Variants in TMEM47 observed in about 807,000 individuals in gnomAD.
TMEM47 encodes brain cell membrane protein 1.
TMEM47 carries 3 observed loss-of-function variants against 12.4 expected under a neutral mutation model. The observed-to-expected ratio is 0.24, with a 90% CI of 0.11 to 0.63. The LOEUF (loss-of-function observed/expected upper bound fraction) is 0.63, where lower values mean the gene tolerates loss of function less well. Among genes scored for constraint, TMEM47 ranks in the 20% least tolerant of loss-of-function variants. TMEM47 has a pLI of 0.86. For synonymous variants in TMEM47, 62 were observed against 63.3 expected, an observed-to-expected ratio of 0.98 and a Z score of 0.10; for missense variants, 89 against 143.8, an observed-to-expected ratio of 0.62 and a Z score of 1.95.
At chrX:34,631,153 A>G (rs1014959984) in intron 2 of TMEM47, among the ~76,000 whole-genome samples, 50 of 82,723 alleles carry the variant, frequency 6.0e-4, no homozygotes, top group African/African-American at 2.0e-3. Flanking sequence ...CCTGGGCGAC[A>G]GAGCCAGACT....
intron 2 of TMEM47, among the ~76,000 whole-genome samples, chrX:34,637,166 A>G (rs1921731846): frequency 9.0e-6 from 1 of 111,664 alleles, no homozygotes. Flanking sequence ...TTATTATTAT[A>G]AAAATATCTA....
chrX:34,637,750 G>A (rs1209654865), intron 2 of TMEM47, among the ~76,000 whole-genome samples: 1 of 111,716 alleles, frequency 9.0e-6, no homozygotes, highest in African/African-American at 3.3e-5. Context: ...ATAGCACACG[G>A]TACTAAATCA....
At chrX:34,636,980 A>G (rs1318161700) in intron 2 of TMEM47, among the ~76,000 whole-genome samples, 1 of 112,038 alleles carries the variant, frequency 8.9e-6, no homozygotes, top group Non-Finnish European at 1.9e-5. Context: ...CTAGATGTAC[A>G]ACTTACTAGT....
intron 2 of TMEM47, among the ~76,000 whole-genome samples, chrX:34,634,803 A>G (rs1256743777): frequency 1.8e-5 from 2 of 112,039 alleles, no homozygotes; most frequent in African/African-American, 3.2e-5. Flanking sequence ...AGCATATTCT[A>G]TAGTGCTTAC....
chrX:34,654,459 C>T (rs892465140), intron 1 of TMEM47, among the ~76,000 whole-genome samples: 1 of 112,064 alleles, frequency 8.9e-6, no homozygotes, highest in African/African-American at 3.2e-5. Flanking sequence ...CTACTCCACA[C>T]AGCAAACAGA....
At position 34,628,710 on chromosome X, in the gene TMEM47, T is replaced by C. The variant is rs1476243948; in HGVS notation, c.*1603A>G. 5.4e-5 allele frequency: 6 copies of C among 111,601 alleles called. No individual in the cohort carries two copies. Among genetic ancestry groups the C allele is most frequent in the Non-Finnish European group, 1.1e-4 (6 of 53,026 alleles). The allele number at this position is 111,601 out of a possible 1,213,427, so 9.2% of individuals were successfully genotyped here. A position where few individuals can be genotyped will look rare whatever the true frequency, so the allele number is the denominator to read the frequency against. ...ACATATAGCTACTTTTAAAGTAATT[T>C]TTCTAATGCTTCTTTCTGCAAGAGG... On this transcript the variant is annotated 3_prime_UTR_variant, in exon 3 of 3. Coordinates refer to ENST00000275954, the MANE Select transcript of TMEM47 (RefSeq NM_031442.4).
chrX:34,640,261 C>T (rs1489133252), intron 1 of TMEM47, among the ~76,000 whole-genome samples: 4 of 112,070 alleles, frequency 3.6e-5, no homozygotes, highest in African/African-American at 6.5e-5. Flanking sequence ...CATTCATACA[C>T]GGAAACAGTA....
intron 1 of TMEM47, among the ~76,000 whole-genome samples, chrX:34,649,720 A>G (rs1006532530): frequency 9.0e-6 from 1 of 111,437 alleles, no homozygotes; most frequent in Non-Finnish European, 1.9e-5. Context: ...TAAAAAAAAA[A>G]TTAAGCTTTT....
rs1404251674 is a variant in TMEM47, at chrX:34,628,825, AAT to A, written c.*1486_*1487del. ...ATTAGAACTGTATATTTGATATAAA[AAT>A]ATGTTTATAATTAAGCTATCCAAAT... On this transcript the variant is annotated 3_prime_UTR_variant, in exon 3 of 3. Coordinates refer to ENST00000275954, the MANE Select transcript of TMEM47 (RefSeq NM_031442.4). The A allele has an allele frequency of 5.3e-5, 6 of 112,352 alleles. No individual in the cohort carries two copies. Among genetic ancestry groups the A allele is most frequent in the African/African-American group, 1.3e-4 (4 of 30,880 alleles). The allele number at this position is 112,352 out of a possible 1,213,427, so 9.3% of individuals were successfully genotyped here.
chrX:34,633,115 T>A (rs1225583580), intron 2 of TMEM47, among the ~76,000 whole-genome samples: 1 of 97,815 alleles, frequency 1.0e-5, no homozygotes, highest in East Asian at 3.8e-4. Context: ...TCTGAATGTT[T>A]CTAAAGCGAT....
intron 2 of TMEM47, among the ~76,000 whole-genome samples, chrX:34,634,383 T>C (rs1322108969): frequency 8.9e-6 from 1 of 112,301 alleles, no homozygotes; most frequent in Non-Finnish European, 1.9e-5. Context: ...TTTTTCAGTG[T>C]TTTCAACACT....
At chrX:34,640,034 T>G (rs997752258) in intron 1 of TMEM47, among the ~76,000 whole-genome samples, 8 of 112,065 alleles carry the variant, frequency 7.1e-5, no homozygotes, top group Admixed American at 1.9e-4. Context: ...AAGCCTTCCT[T>G]AACCATATAA....
rs774807524 is a variant in TMEM47, at chrX:34,630,186, G to T, written c.*127C>A. On this transcript the variant is annotated 3_prime_UTR_variant, in exon 3 of 3. Transcript: ENST00000275954. ...ATGTTGACAGCCAAAAGGCAAAAAA[G>T]ATTAAATCAACTGAGCAAACTGCTT... The T allele has an allele frequency of 6.2e-5, 44 of 705,845 alleles. No homozygotes were observed. The highest frequency in any genetic ancestry group is 8.2e-5 in the Non-Finnish European group (41 of 502,707). 58.2% of individuals were successfully genotyped at this position (705,845 alleles called of 1,213,427 possible). A position where few individuals can be genotyped will look rare whatever the true frequency, so the allele number is the denominator to read the frequency against.
intron 1 of TMEM47, 143 bp from the exon 2 acceptor site, chrX:34,639,530 G>T: frequency 1.6e-6 from 1 of 620,010 alleles, no homozygotes; most frequent in Non-Finnish European, 2.4e-6. Flanking sequence ...GAAATGTTTT[G>T]CAACAAAAAT....
chrX:34,648,179 A>T (rs7880846), intron 1 of TMEM47, among the ~76,000 whole-genome samples: 2,015 of 112,081 alleles, frequency 0.018, 36 homozygotes, highest in African/African-American at 0.057. Flanking sequence ...CAGAACTAGA[A>T]AACCTATTTT....
At chrX:34,636,425 AAG>A (rs1253973579) in intron 2 of TMEM47, among the ~76,000 whole-genome samples, 1 of 112,288 alleles carries the variant, frequency 8.9e-6, no homozygotes, top group Non-Finnish European at 1.9e-5. Context: ...CGAATTATAA[AAG>A]AGAATTTTCT....
chrX:34,631,000 G>A (rs1921608514), intron 2 of TMEM47, among the ~76,000 whole-genome samples: 1 of 105,978 alleles, frequency 9.4e-6, no homozygotes, highest in African/African-American at 3.4e-5. Context: ...GTGAAACCCC[G>A]TATCTACTAA....
At chrX:34,635,142 C>T (rs1047943295) in intron 2 of TMEM47, among the ~76,000 whole-genome samples, 11 of 111,544 alleles carry the variant, frequency 9.9e-5, no homozygotes, top group Admixed American at 8.6e-4. Context: ...ACTGCTCTCC[C>T]TTGATTATAA....
chrX:34,650,119 T>C (rs1921989912), intron 1 of TMEM47, among the ~76,000 whole-genome samples: 1 of 112,457 alleles, frequency 8.9e-6, no homozygotes, highest in African/African-American at 3.2e-5. Context: ...GTAAATTTGA[T>C]GGTAATAAAC....
Sources: gnomAD v4.1 joint callset for allele counts (sites outside exome capture counted in the v4.1 genomes callset) on GRCh38, gnomAD v4.1.1 for gene constraint, MANE v1.5 for transcripts, NCBI Gene and HGNC (gene_info 2026-07-23, HGNC 2026-07-21) for gene names.